CCSER1: variants seen among roughly 807,000 people sequenced by gnomAD.
CCSER1 encodes serine-rich coiled-coil domain-containing protein 1.
Under a neutral mutation model 82.0 loss-of-function variants are expected in CCSER1, and 41 were observed. The observed-to-expected ratio is 0.50, with a 90% CI of 0.39 to 0.65. The LOEUF (loss-of-function observed/expected upper bound fraction) is 0.65, where lower values mean the gene tolerates loss of function less well. Ranked by LOEUF, CCSER1 falls within the 30% of genes least tolerant of loss-of-function variation. CCSER1 has a pLI of 0.00. For synonymous variants in CCSER1, 414 were observed against 383.9 expected (o/e 1.08, Z -0.92); for missense variants, 1,119 against 1,064.2 (o/e 1.05, Z -0.72).
At chr4:91,193,577 T>G (rs553994632) in intron 10 of CCSER1, among the ~76,000 whole-genome samples, 13 of 152,160 alleles carry the variant, frequency 8.5e-5, no homozygotes, top group Non-Finnish European at 1.9e-4. Context: ...AGTACAAAAA[T>G]ACTAAAAGCA....
chr4:90,784,544 C>G (rs1015269894), intron 7 of CCSER1, among the ~76,000 whole-genome samples: 1 of 152,108 alleles, frequency 6.6e-6, no homozygotes, highest in Admixed American at 6.6e-5. Context: ...GACTATAAAT[C>G]TTTGAAATGC....
chr4:91,069,414 G>A (rs1721196298), intron 9 of CCSER1, among the ~76,000 whole-genome samples: 1 of 151,752 alleles, frequency 6.6e-6, no homozygotes, highest in Admixed American at 6.6e-5. Flanking sequence ...TTAATGGCAT[G>A]TTTATGTTAA....
intron 3 of CCSER1, among the ~76,000 whole-genome samples, chr4:90,355,585 C>T (rs971385718): frequency 2.0e-5 from 3 of 151,938 alleles, no homozygotes; most frequent in Non-Finnish European, 4.4e-5. Context: ...CCCACATACT[C>T]CTGCTACATA....
chr4:90,462,454 A>G (rs1323976396), intron 4 of CCSER1, among the ~76,000 whole-genome samples: 1 of 152,196 alleles, frequency 6.6e-6, no homozygotes, highest in African/African-American at 2.4e-5. Context: ...CTAGGATAAT[A>G]TCACTTAAAG....
At chr4:90,534,224 G>T (rs1774986143) in intron 5 of CCSER1, among the ~76,000 whole-genome samples, 2 of 152,176 alleles carry the variant, frequency 1.3e-5, no homozygotes. Context: ...CTGCCTCCAG[G>T]GTTCACGCCA....
chr4:91,412,928 A>C (rs1458262883), intron 10 of CCSER1, among the ~76,000 whole-genome samples: 1 of 142,570 alleles, frequency 7.0e-6, no homozygotes, highest in Non-Finnish European at 1.5e-5. Flanking sequence ...ATTGTAAAGA[A>C]GGTCAATGAG....
intron 3 of CCSER1, among the ~76,000 whole-genome samples, chr4:90,388,959 A>C (rs2153536845): frequency 6.6e-6 from 1 of 152,310 alleles, no homozygotes; most frequent in Middle Eastern, 3.4e-3. Flanking sequence ...TAACTTATAA[A>C]TTAGTAAGAT....
At chr4:91,243,663 G>C (rs1171329192) in intron 10 of CCSER1, among the ~76,000 whole-genome samples, 1 of 152,146 alleles carries the variant, frequency 6.6e-6, no homozygotes, top group Non-Finnish European at 1.5e-5. Context: ...GACATTCCCT[G>C]GGTCAAAAGC....
intron 10 of CCSER1, among the ~76,000 whole-genome samples, chr4:91,407,566 T>A (rs1299268267): frequency 1.3e-5 from 2 of 152,032 alleles, no homozygotes; most frequent in Non-Finnish European, 2.9e-5. Flanking sequence ...AGAAAAGAGG[T>A]TTATTTGGCT....
chr4:90,833,529 A>T (rs1439691427), intron 8 of CCSER1, among the ~76,000 whole-genome samples: 1 of 152,184 alleles, frequency 6.6e-6, no homozygotes, highest in African/African-American at 2.4e-5. Flanking sequence ...TGGCAATAAT[A>T]AAAGACTTAA....
chr4:91,496,675 AT>A (rs1423092247), intron 10 of CCSER1, among the ~76,000 whole-genome samples: 2 of 21,654 alleles, frequency 9.2e-5, no homozygotes, highest in African/African-American at 2.0e-4. Context: ...TATATTCAAT[AT>A]ATTTGAATAT....
chr4:90,607,866 A>T (rs940189290), intron 5 of CCSER1, among the ~76,000 whole-genome samples: 3 of 151,874 alleles, frequency 2.0e-5, no homozygotes, highest in East Asian at 3.9e-4. Flanking sequence ...TCTCAACTAA[A>T]TTTTTTTTCA....
intron 10 of CCSER1, among the ~76,000 whole-genome samples, chr4:91,227,704 T>C (rs532902190): frequency 6.6e-6 from 1 of 151,944 alleles, no homozygotes; most frequent in African/African-American, 2.4e-5. Flanking sequence ...ACAGTGTCCA[T>C]TGTTTCCATC....
chr4:91,437,121 G>T (rs1754704715), intron 10 of CCSER1, among the ~76,000 whole-genome samples: 1 of 152,184 alleles, frequency 6.6e-6, no homozygotes, highest in Admixed American at 6.5e-5. Flanking sequence ...TTTAAATTAA[G>T]ATTCAGACTT....
At chr4:91,441,422 C>A (rs542002018) in intron 10 of CCSER1, among the ~76,000 whole-genome samples, 1,467 of 12,594 alleles carry the variant, frequency 0.12, 24 homozygotes, top group African/African-American at 0.21. Context: ...ATTCAACAAC[C>A]CTTCATGCTA....
intron 10 of CCSER1, among the ~76,000 whole-genome samples, chr4:91,360,098 T>G (rs1170543010): frequency 1.3e-5 from 2 of 151,860 alleles, no homozygotes; most frequent in Non-Finnish European, 2.9e-5. Flanking sequence ...TTATGATTAA[T>G]GGTAGTGTGG....
chr4:90,623,307 T>A (rs1438378867), intron 5 of CCSER1, among the ~76,000 whole-genome samples: 1 of 152,054 alleles, frequency 6.6e-6, no homozygotes, highest in East Asian at 1.9e-4. Flanking sequence ...GTGCTGGGAT[T>A]ACAGGCGTGA....
chr4:90,466,433 T>G (rs1254618785), intron 4 of CCSER1, among the ~76,000 whole-genome samples: 4 of 152,192 alleles, frequency 2.6e-5, no homozygotes, highest in African/African-American at 9.6e-5. Flanking sequence ...ATCCTGCTAC[T>G]GGAAGGAGGT....
At chr4:90,816,441 T>C (rs2149767887) in intron 8 of CCSER1, among the ~76,000 whole-genome samples, 1 of 152,172 alleles carries the variant, frequency 6.6e-6, no homozygotes, top group Admixed American at 6.5e-5. Flanking sequence ...AAAAATACAT[T>C]TGGTAGATAG....
Sources: allele counts gnomAD v4.1 joint callset (sites outside exome capture counted in the v4.1 genomes callset), GRCh38; gene constraint gnomAD v4.1.1; transcripts MANE v1.5; gene names NCBI Gene and HGNC (gene_info 2026-07-23, HGNC 2026-07-21).